SIMC1: variants seen among roughly 807,000 people sequenced by gnomAD.
The protein encoded by SIMC1 is SUMO interacting motifs containing 1.
SIMC1 carries 55 observed loss-of-function variants against 82.3 expected under a neutral mutation model. That is an observed-to-expected ratio of 0.67 (90% CI 0.54 to 0.84). The LOEUF (loss-of-function observed/expected upper bound fraction) is 0.84, where lower values mean the gene tolerates loss of function less well. Among genes scored for constraint, SIMC1 ranks in the 40% least tolerant of loss-of-function variants. The probability of loss-of-function intolerance (pLI) is 0.00; values close to 1 mark genes in which losing one functional copy is unlikely to be tolerated. For missense variants in SIMC1, 915 were observed against 1,107.2 expected, an observed-to-expected ratio of 0.83 and a Z score of 2.46; for synonymous variants, 353 against 426.3, an observed-to-expected ratio of 0.83 and a Z score of 2.12.
intron 1 of SIMC1, among the ~76,000 whole-genome samples, chr5:176,263,245 C>T (rs572833074): frequency 3.3e-5 from 5 of 152,190 alleles, no homozygotes; most frequent in Non-Finnish European, 7.3e-5. Flanking sequence ...CAATCCCAAT[C>T]GAAATCCCAG....
rs1037343816 is a variant in SIMC1, at chr5:176,340,308, A to T, written c.2413+3162A>T. ...TCTTGTTCTTTGGCCGAGAGAATCA[A>T]TCCCCCCCACCCCAGTTGCATAGCC... On this transcript the variant is annotated intron_variant, in intron 9 of 9. Coordinates refer to ENST00000429602, the MANE Select transcript of SIMC1 (RefSeq NM_001308195.2). Among the ~76,000 whole-genome samples, 3 of 152,148 alleles carry T rather than the reference A, an allele frequency of 2.0e-5. No homozygotes were observed. The East Asian group carries it at 5.8e-4, about 29-fold the overall frequency.
At chr5:176,316,277 T>A (rs1468108965) in intron 5 of SIMC1, among the ~76,000 whole-genome samples, 2 of 152,006 alleles carry the variant, frequency 1.3e-5, no homozygotes. Context: ...TAAGAGTGAG[T>A]GGGATACCCA....
intron 1 of SIMC1, among the ~76,000 whole-genome samples, chr5:176,263,814 A>T (rs556667250): frequency 2.0e-5 from 3 of 152,330 alleles, no homozygotes; most frequent in East Asian, 1.9e-4. Context: ...CTATCAATTT[A>T]AAAAATGCAA....
chr5:176,288,032 A>G (rs1763373937), intron 1 of SIMC1, among the ~76,000 whole-genome samples: 1 of 152,154 alleles, frequency 6.6e-6, no homozygotes. Flanking sequence ...CAAACAATCA[A>G]AGGGATGATA....
At position 176,290,030 on chromosome 5, in the gene SIMC1, ACCT is replaced by A. The variant is rs1187168113; in HGVS notation, c.508_510del (p.Leu170del). On this transcript the variant is annotated inframe_deletion, in exon 2 of 10. Coordinates refer to ENST00000429602, the MANE Select transcript of SIMC1 (RefSeq NM_001308195.2). ...TGTAGCTCAGCCACATTCACAGGTAACCTCAGCTTCTTGGCAAGTCTACAGCTG... is the reference window on the plus strand; with the variant it reads ...TGTAGCTCAGCCACATTCACAGGTAACAGCTTCTTGGCAAGTCTACAGCTG... 6.2e-7 allele frequency: 1 copy of A among 1,613,190 alleles called. No homozygotes were observed. Among genetic ancestry groups the A allele is most frequent in the Non-Finnish European group, 8.5e-7 (1 of 1,179,664 alleles).
At chr5:176,253,403 G>A (rs956611644) in intron 1 of SIMC1, among the ~76,000 whole-genome samples, 9 of 152,028 alleles carry the variant, frequency 5.9e-5, no homozygotes, top group Admixed American at 2.0e-4. Flanking sequence ...TAGTAGAGAC[G>A]GAGTTTTGCA....
intron 1 of SIMC1, among the ~76,000 whole-genome samples, chr5:176,285,975 G>A (rs1218984868): frequency 3.9e-5 from 6 of 152,140 alleles, no homozygotes; most frequent in Admixed American, 6.6e-5. Context: ...ACTGCTCAAC[G>A]AAATAAAAGA....
In SIMC1 at chr5:176,345,454, C is replaced by G. The variant is rs185764863; in HGVS notation, c.*9C>G. ...GCTGGAGCGGCTCCTGAGGGCCTGC[C>G]AAGCACTGAATGCCAAGAATACCTC... On this transcript the variant is annotated 3_prime_UTR_variant, in exon 10 of 10. Coordinates refer to ENST00000429602, the MANE Select transcript of SIMC1 (RefSeq NM_001308195.2). The G allele has an allele frequency of 1.2e-6, 2 of 1,605,620 alleles. No individual in the cohort carries two copies. The highest frequency in any genetic ancestry group is 1.7e-5 in the Admixed American group (1 of 58,590).
At chr5:176,273,802 G>A (rs71599471) in intron 1 of SIMC1, among the ~76,000 whole-genome samples, 38 of 151,926 alleles carry the variant, frequency 2.5e-4, no homozygotes, top group African/African-American at 8.2e-4. Flanking sequence ...ATGATTTCCA[G>A]TTTCATCCAT....
intron 1 of SIMC1, among the ~76,000 whole-genome samples, chr5:176,252,733 G>T (rs555196854): frequency 6.6e-6 from 1 of 152,334 alleles, no homozygotes; most frequent in East Asian, 1.9e-4. Flanking sequence ...CTTCCCAGAT[G>T]GGGTGGCGGC....
At chr5:176,263,022 A>G (rs1762070014) in intron 1 of SIMC1, among the ~76,000 whole-genome samples, 1 of 151,872 alleles carries the variant, frequency 6.6e-6, no homozygotes, top group Non-Finnish European at 1.5e-5. Flanking sequence ...TTGAAATGAA[A>G]CATACATTAC....
chr5:176,244,563 A>G (rs1385521355), intron 1 of SIMC1, among the ~76,000 whole-genome samples: 6 of 152,018 alleles, frequency 3.9e-5, no homozygotes, highest in Non-Finnish European at 7.4e-5. Flanking sequence ...AAGAGCAGCT[A>G]GTGAGGTTGG....
chr5:176,340,832 G>A (rs1334852540), intron 9 of SIMC1, among the ~76,000 whole-genome samples: 3 of 152,234 alleles, frequency 2.0e-5, no homozygotes, highest in East Asian at 1.9e-4. Flanking sequence ...AGGCCTCCCT[G>A]AAGAAGTGAT....
At chr5:176,294,426 G>A (rs62405162) in intron 2 of SIMC1, among the ~76,000 whole-genome samples, 56,416 of 151,688 alleles carry the variant, frequency 0.37, 12,728 homozygotes, top group East Asian at 0.51. Context: ...CTACAGTTGC[G>A]TGCCACCACG....
intron 4 of SIMC1, among the ~76,000 whole-genome samples, chr5:176,297,502 CAAAA>C (rs896827211): frequency 8.4e-5 from 3 of 35,928 alleles, no homozygotes; most frequent in Non-Finnish European, 1.7e-4. Context: ...AACTCTGTCT[CAAAA>C]AAAAAAAAAA....
intron 6 of SIMC1, among the ~76,000 whole-genome samples, chr5:176,323,813 C>T (rs1341012567): frequency 5.3e-5 from 8 of 151,914 alleles, no homozygotes; most frequent in South Asian, 2.1e-4. Context: ...GGTGAAACCC[C>T]GTCTCTACTA....
intron 1 of SIMC1, among the ~76,000 whole-genome samples, chr5:176,244,786 A>G (rs1365693280): frequency 6.8e-6 from 1 of 146,082 alleles, no homozygotes; most frequent in East Asian, 2.0e-4. Context: ...CAATGGCGCA[A>G]TCTCAGCTCA....
chr5:176,307,880 C>T (rs146445544), intron 4 of SIMC1, among the ~76,000 whole-genome samples: 1 of 152,208 alleles, frequency 6.6e-6, no homozygotes, highest in East Asian at 1.9e-4. Flanking sequence ...CTATCTATTC[C>T]AATTCTAGAT....
intron 5 of SIMC1, among the ~76,000 whole-genome samples, chr5:176,316,646 G>A (rs898063882): frequency 1.3e-5 from 2 of 150,526 alleles, no homozygotes; most frequent in South Asian, 2.1e-4. Flanking sequence ...CTGAGATCGC[G>A]CCATTGCACT....
Sources: allele counts gnomAD v4.1 joint callset (sites outside exome capture counted in the v4.1 genomes callset), GRCh38; gene constraint gnomAD v4.1.1; transcripts MANE v1.5; gene names NCBI Gene and HGNC (gene_info 2026-07-23, HGNC 2026-07-21).